The following CFAP299 variants were observed in gnomAD, a reference collection of about 807,000 sequenced individuals.
CFAP299 encodes the protein cilia and flagella associated protein 299.
CFAP299 carries 21 observed loss-of-function variants against 27.0 expected under a neutral mutation model. The ratio of observed to expected loss-of-function variants is 0.78; its 90% confidence interval spans 0.55 to 1.12. The LOEUF (loss-of-function observed/expected upper bound fraction) is 1.12. CFAP299 is among the 50% of genes most tolerant of loss of function. CFAP299 has a pLI of 0.00. For missense variants in CFAP299, 310 were observed against 276.6 expected (o/e 1.12, Z -0.86); for synonymous variants, 104 against 98.1 (o/e 1.06, Z -0.36).
At chr4:80,768,158 C>G (rs74516591) in intron 3 of CFAP299, among the ~76,000 whole-genome samples, 80 of 152,306 alleles carry the variant, frequency 5.3e-4, no homozygotes, top group African/African-American at 1.9e-3. Context: ...GAGGATGAAT[C>G]ATCAGTAACC....
At position 80,963,737 on chromosome 4, in the gene CFAP299, A is replaced by C; in HGVS notation, c.*125A>C. ...ATTAGAACAATAAAGTTAATAAAGA[A>C]GTTAGAAAGAAAACTGTAATATTGA... On this transcript the variant is annotated 3_prime_UTR_variant, in exon 6 of 6. Transcript: ENST00000358105. The C allele has an allele frequency of 1.7e-6, 1 of 601,548 alleles. No individual in the cohort carries two copies. The highest frequency in any genetic ancestry group is 2.9e-6 in the Non-Finnish European group (1 of 349,168). 37.3% of individuals were successfully genotyped at this position (601,548 alleles called of 1,614,324 possible).
intron 2 of CFAP299, among the ~76,000 whole-genome samples, chr4:80,543,054 G>A (rs928270096): frequency 6.6e-6 from 1 of 152,118 alleles, no homozygotes; most frequent in African/African-American, 2.4e-5. Context: ...TACAGACCTG[G>A]TCCCAGCCAC....
At chr4:80,705,689 G>T (rs1472576138) in intron 3 of CFAP299, among the ~76,000 whole-genome samples, 1 of 151,796 alleles carries the variant, frequency 6.6e-6, no homozygotes, top group Middle Eastern at 3.2e-3. Context: ...ACACTGGACT[G>T]CTTTCCTTCT....
At chr4:80,782,664 C>CAT (rs1008656868) in intron 3 of CFAP299, among the ~76,000 whole-genome samples, 3 of 117,124 alleles carry the variant, frequency 2.6e-5, no homozygotes, top group African/African-American at 9.7e-5. Context: ...ATAATATATT[C>CAT]ATATATAATA....
At chr4:80,666,484 A>C (rs868317636) in intron 3 of CFAP299, among the ~76,000 whole-genome samples, 1 of 151,064 alleles carries the variant, frequency 6.6e-6, no homozygotes. Context: ...CAGCCCGTGT[A>C]TCCCCACCAC....
intron 1 of CFAP299, among the ~76,000 whole-genome samples, chr4:80,348,132 A>G (rs982800737): frequency 1.3e-5 from 2 of 152,214 alleles, no homozygotes; most frequent in Non-Finnish European, 1.5e-5. Context: ...TGTACACCAT[A>G]TACAAAAATT....
chr4:80,361,775 G>A (rs1282185127), intron 1 of CFAP299, among the ~76,000 whole-genome samples: 2 of 152,024 alleles, frequency 1.3e-5, no homozygotes. Flanking sequence ...TAACCACTAT[G>A]GTTTGAATAG....
intron 3 of CFAP299, among the ~76,000 whole-genome samples, chr4:80,819,287 G>A (rs558275955): frequency 3.1e-4 from 47 of 152,170 alleles, no homozygotes; most frequent in African/African-American, 1.0e-3. Flanking sequence ...TAGAATATTT[G>A]TATAAAAGTA....
At chr4:80,538,367 A>C (rs1462481296) in intron 2 of CFAP299, among the ~76,000 whole-genome samples, 1 of 152,134 alleles carries the variant, frequency 6.6e-6, no homozygotes, top group Non-Finnish European at 1.5e-5. Flanking sequence ...TTAATTTATT[A>C]TTGAAGAAAT....
At chr4:80,366,601 A>C (rs1380862069) in intron 2 of CFAP299, among the ~76,000 whole-genome samples, 1 of 152,214 alleles carries the variant, frequency 6.6e-6, no homozygotes, top group Non-Finnish European at 1.5e-5. Context: ...AGACTAGAGA[A>C]ATGAAAGGCA....
intron 2 of CFAP299, among the ~76,000 whole-genome samples, chr4:80,542,103 T>C (rs1228814777): frequency 1.3e-5 from 2 of 152,188 alleles, no homozygotes; most frequent in African/African-American, 4.8e-5. Context: ...CTTTTGCCCT[T>C]GTTCATCAGA....
intron 2 of CFAP299, among the ~76,000 whole-genome samples, chr4:80,432,190 CGCCCAGGCT>C (rs2110079250): frequency 6.6e-6 from 1 of 152,094 alleles, no homozygotes; most frequent in South Asian, 2.1e-4. Context: ...CTTGCTGTGT[CGCCCAGGCT>C]GGAGTGCAAT....
chr4:80,866,212 G>T (rs993258783), intron 3 of CFAP299, among the ~76,000 whole-genome samples: 3 of 150,428 alleles, frequency 2.0e-5, no homozygotes, highest in Non-Finnish European at 3.0e-5. Context: ...GGTGATTATC[G>T]TTTTTGCATT....
chr4:80,857,969 T>C (rs1369665475), intron 3 of CFAP299, among the ~76,000 whole-genome samples: 2 of 152,124 alleles, frequency 1.3e-5, no homozygotes, highest in Non-Finnish European at 2.9e-5. Flanking sequence ...TTGGAATAGT[T>C]TCAGAAGGAA....
At chr4:80,347,982 A>G (rs2109979632) in intron 1 of CFAP299, among the ~76,000 whole-genome samples, 1 of 152,210 alleles carries the variant, frequency 6.6e-6, no homozygotes, top group East Asian at 1.9e-4. Flanking sequence ...AATAGAGAAG[A>G]TAGAATAAGA....
intron 2 of CFAP299, among the ~76,000 whole-genome samples, chr4:80,370,707 G>A (rs924488671): frequency 2.6e-5 from 4 of 152,240 alleles, no homozygotes; most frequent in Non-Finnish European, 5.9e-5. Context: ...AGGGCATGCT[G>A]ATGCAAGGGG....
At chr4:80,643,233 G>A (rs1739820254) in intron 3 of CFAP299, among the ~76,000 whole-genome samples, 1 of 152,140 alleles carries the variant, frequency 6.6e-6, no homozygotes, top group Non-Finnish European at 1.5e-5. Flanking sequence ...GACAAGCAAA[G>A]GGTCATACAT....
intron 3 of CFAP299, among the ~76,000 whole-genome samples, chr4:80,592,611 GT>G (rs1463064744): frequency 3.3e-5 from 5 of 152,184 alleles, no homozygotes; most frequent in Non-Finnish European, 1.5e-5. Context: ...AAGATGTTGA[GT>G]GTGCTATAAT....
intron 2 of CFAP299, among the ~76,000 whole-genome samples, chr4:80,454,473 A>G (rs1028187858): frequency 1.3e-5 from 2 of 152,190 alleles, no homozygotes; most frequent in Non-Finnish European, 2.9e-5. Context: ...ATTCTGGAAT[A>G]TAGGAGTCCT....
Sources: gnomAD v4.1 joint callset for allele counts (sites outside exome capture counted in the v4.1 genomes callset) on GRCh38, gnomAD v4.1.1 for gene constraint, MANE v1.5 for transcripts, NCBI Gene and HGNC (gene_info 2026-07-23, HGNC 2026-07-21) for gene names.